Variants in GRIK2 observed in about 807,000 individuals in gnomAD.
GRIK2 encodes the protein glutamate receptor ionotropic, kainate 2.
GRIK2 carries 32 observed loss-of-function variants against 100.3 expected under a neutral mutation model. That is an observed-to-expected ratio of 0.32 (90% CI 0.24 to 0.43). The LOEUF (loss-of-function observed/expected upper bound fraction) is 0.43, where lower values mean the gene tolerates loss of function less well. Ranked by LOEUF, GRIK2 falls within the 20% of genes least tolerant of loss-of-function variation. GRIK2 has a pLI of 1.00. For synonymous variants in GRIK2, 417 were observed against 389.4 expected, an observed-to-expected ratio of 1.07 and a Z score of -0.83; for missense variants, 843 against 1,114.9, an observed-to-expected ratio of 0.76 and a Z score of 3.47.
At chr6:101,780,745 T>C (rs890019486) in intron 7 of GRIK2, among the ~76,000 whole-genome samples, 2 of 152,160 alleles carry the variant, frequency 1.3e-5, no homozygotes, top group African/African-American at 4.8e-5. Context: ...TAAGAGAGGA[T>C]GAAGATTTAG....
At chr6:101,507,804 C>T (rs1562188468) in intron 2 of GRIK2, among the ~76,000 whole-genome samples, 1 of 152,058 alleles carries the variant, frequency 6.6e-6, no homozygotes. Flanking sequence ...GATCATGCCC[C>T]CAGAAGGGAG....
chr6:102,013,273 T>C (rs532054794), intron 14 of GRIK2, among the ~76,000 whole-genome samples: 3 of 152,280 alleles, frequency 2.0e-5, no homozygotes, highest in Admixed American at 6.5e-5. Context: ...GTTATTTTCA[T>C]ATGTTGTTTT....
At chr6:101,958,829 T>C (rs1792107277) in intron 14 of GRIK2, among the ~76,000 whole-genome samples, 1 of 152,148 alleles carries the variant, frequency 6.6e-6, no homozygotes, top group African/African-American at 2.4e-5. Flanking sequence ...GAATCACATT[T>C]ATTAATTTGC....
rs188068084 is a variant in GRIK2 at position 101,475,843 on chromosome 6, A to G, written c.115+76451A>G. Reference sequence around the variant, plus strand: ...ATATATCACTGATACCTACTAAAACATACAAAAATTTTATAGGTTGTACAG... The same window carrying G: ...ATATATCACTGATACCTACTAAAACGTACAAAAATTTTATAGGTTGTACAG... On this transcript the variant is annotated intron_variant, in intron 2 of 16. Transcript: ENST00000369134. Among the ~76,000 whole-genome samples, 11 of 152,158 alleles carry G rather than the reference A, an allele frequency of 7.2e-5. No homozygotes were observed. The East Asian group carries it at 2.1e-3, about 29-fold the overall frequency.
intron 7 of GRIK2, among the ~76,000 whole-genome samples, chr6:101,706,493 ATTG>A (rs1773306668): frequency 6.6e-6 from 1 of 151,936 alleles, no homozygotes; most frequent in African/African-American, 2.4e-5. Flanking sequence ...ATCATCAAAT[ATTG>A]TATCTGTTTT....
At chr6:101,555,778 C>T (rs563904594) in intron 2 of GRIK2, among the ~76,000 whole-genome samples, 9 of 152,142 alleles carry the variant, frequency 5.9e-5, no homozygotes, top group Non-Finnish European at 1.0e-4. Context: ...TTGCATTACT[C>T]AATTTTTTTA....
chr6:101,766,287 A>G (rs1186664241), intron 7 of GRIK2, among the ~76,000 whole-genome samples: 1 of 152,076 alleles, frequency 6.6e-6, no homozygotes, highest in Non-Finnish European at 1.5e-5. Flanking sequence ...AATTTTGTTT[A>G]AAGTGAAGTA....
At chr6:102,041,960 G>T (rs1216791170) in intron 15 of GRIK2, among the ~76,000 whole-genome samples, 1 of 151,488 alleles carries the variant, frequency 6.6e-6, no homozygotes, top group African/African-American at 2.4e-5. Flanking sequence ...CTGTTAACCA[G>T]CTGGAAACCT....
chr6:101,595,716 GTGTATA>G (rs1388282425), intron 2 of GRIK2, among the ~76,000 whole-genome samples: 3 of 133,752 alleles, frequency 2.2e-5, no homozygotes, highest in Non-Finnish European at 1.6e-5. Context: ...GTGTGTGTGT[GTGTATA>G]TATATATATA....
At chr6:101,915,423 A>G (rs1320546192) in intron 12 of GRIK2, among the ~76,000 whole-genome samples, 2 of 151,476 alleles carry the variant, frequency 1.3e-5, no homozygotes, top group Non-Finnish European at 3.0e-5. Context: ...ATAAAACCTA[A>G]AAGTGAAGTG....
intron 7 of GRIK2, among the ~76,000 whole-genome samples, chr6:101,744,198 T>A (rs1325508380): frequency 6.6e-6 from 1 of 151,942 alleles, no homozygotes; most frequent in Non-Finnish European, 1.5e-5. Flanking sequence ...CGCCTCGGCC[T>A]CCCAAAGTTC....
intron 2 of GRIK2, among the ~76,000 whole-genome samples, chr6:101,537,445 TGTGTGTGTGC>T (rs1401148485): frequency 0.3 from 25,395 of 85,222 alleles, 2,492 homozygotes; most frequent in South Asian, 0.43. Flanking sequence ...TGTGTGTTTG[TGTGTGTGTGC>T]GTGTGTGTGT....
chr6:101,423,395 C>T (rs1417749016), intron 2 of GRIK2, among the ~76,000 whole-genome samples: 1 of 152,154 alleles, frequency 6.6e-6, no homozygotes, highest in Non-Finnish European at 1.5e-5. Context: ...AGCAACAGCA[C>T]CATTTTACAG....
chr6:101,896,685 G>T (rs1787467311), intron 12 of GRIK2, among the ~76,000 whole-genome samples: 1 of 151,568 alleles, frequency 6.6e-6, no homozygotes, highest in Non-Finnish European at 1.5e-5. Context: ...GAATTGAGTG[G>T]AAAGACTCCT....
At chr6:101,788,412 A>G (rs1461321017) in intron 7 of GRIK2, among the ~76,000 whole-genome samples, 2 of 143,382 alleles carry the variant, frequency 1.4e-5, no homozygotes, top group African/African-American at 2.6e-5. Context: ...TCCTCTGTCC[A>G]TGTGTTCTCA....
chr6:101,572,911 C>T (rs942009874), intron 2 of GRIK2, among the ~76,000 whole-genome samples: 4 of 151,668 alleles, frequency 2.6e-5, no homozygotes, highest in African/African-American at 7.3e-5. Context: ...TGCAGTGACA[C>T]GACCTTGGCT....
intron 2 of GRIK2, among the ~76,000 whole-genome samples, chr6:101,537,129 T>G (rs545672918): frequency 6.6e-6 from 1 of 151,738 alleles, no homozygotes; most frequent in South Asian, 2.1e-4. Context: ...CTCCTGAAAC[T>G]GATCTATTTA....
intron 4 of GRIK2, among the ~76,000 whole-genome samples, chr6:101,629,796 G>A (rs1371132809): frequency 6.6e-6 from 1 of 151,922 alleles, no homozygotes; most frequent in Non-Finnish European, 1.5e-5. Context: ...TGAGCATTGG[G>A]TACAACTGAA....
intron 14 of GRIK2, among the ~76,000 whole-genome samples, chr6:101,951,875 G>T (rs942776263): frequency 6.6e-6 from 1 of 152,174 alleles, no homozygotes; most frequent in African/African-American, 2.4e-5. Flanking sequence ...CACCCAGTCT[G>T]GGGTATTTCT....
Sources: allele counts gnomAD v4.1 joint callset (sites outside exome capture counted in the v4.1 genomes callset), GRCh38; gene constraint gnomAD v4.1.1; transcripts MANE v1.5; gene names NCBI Gene and HGNC (gene_info 2026-07-23, HGNC 2026-07-21).